The following WDPCP variants were observed in gnomAD, a reference collection of about 807,000 sequenced individuals.
The protein encoded by WDPCP is WD repeat-containing and planar cell polarity effector protein fritz homolog.
Under a neutral mutation model 93.1 loss-of-function variants are expected in WDPCP, and 71 were observed. That is an observed-to-expected ratio of 0.76 (90% confidence interval 0.63 to 0.93). WDPCP has a LOEUF of 0.93. Among genes scored for constraint, WDPCP ranks in the 40% least tolerant of loss-of-function variants. The pLI is 0.00. For missense variants in WDPCP, 844 were observed against 887.4 expected, an observed-to-expected ratio of 0.95 and a Z score of 0.62; for synonymous variants, 315 against 315.0, an observed-to-expected ratio of 1.00 and a Z score of 0.00.
chr2:63,183,463 T>C (rs1674395968), intron 14 of WDPCP, among the ~76,000 whole-genome samples: 1 of 152,168 alleles, frequency 6.6e-6, no homozygotes, highest in African/African-American at 2.4e-5. Flanking sequence ...TATTGATTTA[T>C]AGTTTTATTT....
At chr2:63,541,172 C>T (rs954261252) in intron 1 of WDPCP, among the ~76,000 whole-genome samples, 26 of 151,980 alleles carry the variant, frequency 1.7e-4, no homozygotes, top group Admixed American at 5.9e-4. Flanking sequence ...AGGTTTTTGC[C>T]GTGTTGGTCA....
chr2:63,743,666 G>A (rs1669756413), intron 2 of WDPCP, among the ~76,000 whole-genome samples: 1 of 152,058 alleles, frequency 6.6e-6, no homozygotes, highest in Admixed American at 6.6e-5. Flanking sequence ...AAGGCCATGT[G>A]CACAGTTGAG....
At chr2:63,406,709 G>A (rs1265038482) in intron 9 of WDPCP, among the ~76,000 whole-genome samples, 2 of 152,130 alleles carry the variant, frequency 1.3e-5, no homozygotes, top group Non-Finnish European at 1.5e-5. Context: ...ACAAAAAGCA[G>A]GTATGACCTA....
chr2:63,441,569 G>A lies in WDPCP; in HGVS notation c.385-1698C>T, dbSNP rs1334670738. The A allele has an allele frequency of 2.0e-5, 3 of 151,942 alleles. 1 individual carries two copies. The highest frequency in any genetic ancestry group is 2.9e-5 in the Non-Finnish European group (2 of 67,986). The allele number at this position is 151,942 out of a possible 1,614,324, so 9.4% of individuals were successfully genotyped here. ...TCTTTGTAGTGCCAGGAATACAGTA[G>A]GTGCTCAACAAATGTTTGGAGAAAG... On this transcript the variant is annotated intron_variant, in intron 6 of 17. Transcript: ENST00000272321.
At chr2:63,715,247 G>A (rs1435299104) in intron 2 of WDPCP, among the ~76,000 whole-genome samples, 2 of 152,204 alleles carry the variant, frequency 1.3e-5, no homozygotes, top group African/African-American at 4.8e-5. Context: ...AAATGCCTCT[G>A]AGTTTTTCAC....
At chr2:63,741,759 A>G (rs1198726849) in intron 2 of WDPCP, among the ~76,000 whole-genome samples, 2 of 152,120 alleles carry the variant, frequency 1.3e-5, no homozygotes, top group African/African-American at 4.8e-5. Context: ...ATAAAAGCAC[A>G]ACAAATAAAG....
intron 1 of WDPCP, among the ~76,000 whole-genome samples, chr2:63,824,561 A>AAAAAC (rs1553458222): frequency 3.3e-5 from 5 of 149,708 alleles, no homozygotes; most frequent in Admixed American, 6.7e-5. Context: ...AAAAAAAAAA[A>AAAAAC]AACAGGAAAA....
At chr2:63,675,758 A>G (rs964983502) in intron 2 of WDPCP, among the ~76,000 whole-genome samples, 8 of 152,196 alleles carry the variant, frequency 5.3e-5, no homozygotes, top group African/African-American at 1.9e-4. Context: ...TTCAGTTGCC[A>G]TGTTTTGTCT....
At chr2:63,583,286 A>G (rs1454604948) in intron 1 of WDPCP, among the ~76,000 whole-genome samples, 1 of 152,240 alleles carries the variant, frequency 6.6e-6, no homozygotes, top group Non-Finnish European at 1.5e-5. Flanking sequence ...GAATTGTAAA[A>G]AATTTCAATT....
chr2:63,210,029 G>C (rs1003848812), intron 14 of WDPCP, among the ~76,000 whole-genome samples: 2 of 152,000 alleles, frequency 1.3e-5, no homozygotes, highest in African/African-American at 4.8e-5. Flanking sequence ...CTAAATGTTT[G>C]AGTTTTATGT....
At chr2:63,696,177 G>A (rs570153034) in intron 2 of WDPCP, among the ~76,000 whole-genome samples, 1 of 152,228 alleles carries the variant, frequency 6.6e-6, no homozygotes, top group East Asian at 1.9e-4. Flanking sequence ...TATAAATTTT[G>A]GCTAGGAGGG....
intron 2 of WDPCP, among the ~76,000 whole-genome samples, chr2:63,797,530 ACT>A (rs1365615271): frequency 4.6e-5 from 7 of 150,620 alleles, no homozygotes; most frequent in Non-Finnish European, 1.0e-4. Flanking sequence ...CCATTCAGCC[ACT>A]CTCTGTCTTT....
At position 63,439,768 on chromosome 2, in the gene WDPCP, G is replaced by A. The variant is rs1697378894; in HGVS notation, c.488C>T (p.Thr163Ile). The A allele has an allele frequency of 6.2e-7, 1 of 1,612,974 alleles. No individual in the cohort carries two copies. Among genetic ancestry groups the A allele is most frequent in the Non-Finnish European group, 8.5e-7 (1 of 1,179,194 alleles). ...RSLVGKLISD[T>I]ISDALLTDSF... The stretch of plus-strand genomic sequence containing the variant: ...ATGGGGGTAATTACCATCACTGATG[G>A]TGTCTGAGATGAGCTTCCCCACCAG... Residue 163 changes from threonine (T) to isoleucine (I), a missense_variant, in exon 7 of 18, where the codon ACC (threonine) becomes ATC (isoleucine). Coordinates refer to ENST00000272321, the MANE Select transcript of WDPCP (RefSeq NM_015910.7).
chr2:63,686,700 A>G (rs1208367646), intron 2 of WDPCP, among the ~76,000 whole-genome samples: 3 of 152,202 alleles, frequency 2.0e-5, no homozygotes, highest in African/African-American at 7.2e-5. Flanking sequence ...CCAAAACAGA[A>G]TGGTACTCGC....
chr2:63,801,585 T>G (rs1168504895), intron 2 of WDPCP, among the ~76,000 whole-genome samples: 4 of 152,190 alleles, frequency 2.6e-5, no homozygotes, highest in Non-Finnish European at 4.4e-5. Context: ...AGAATGCCCT[T>G]TTTTCACTCC....
intron 2 of WDPCP, among the ~76,000 whole-genome samples, chr2:63,712,341 T>C (rs1339606911): frequency 6.6e-6 from 1 of 152,228 alleles, no homozygotes; most frequent in East Asian, 1.9e-4. Context: ...CCAATATTTT[T>C]TGAAAATATT....
At chr2:63,639,692 G>T (rs1288123690) in intron 3 of WDPCP, among the ~76,000 whole-genome samples, 1 of 152,148 alleles carries the variant, frequency 6.6e-6, no homozygotes, top group Non-Finnish European at 1.5e-5. Flanking sequence ...CAGGTGTCAA[G>T]AACATATAAA....
chr2:63,752,018 A>G (rs1669890168), intron 2 of WDPCP: 2 of 626,064 alleles, frequency 3.2e-6, no homozygotes, highest in Non-Finnish European at 6.0e-6. Context: ...CAACCTCCAC[A>G]ACCAACACCA....
At chr2:63,223,703 G>A (rs755064275) in intron 14 of WDPCP, among the ~76,000 whole-genome samples, 4 of 152,076 alleles carry the variant, frequency 2.6e-5, no homozygotes, top group East Asian at 1.9e-4. Flanking sequence ...ATAAGGAATC[G>A]CTTTGTGTGT....
Sources: allele counts gnomAD v4.1 joint callset (sites outside exome capture counted in the v4.1 genomes callset), GRCh38; gene constraint gnomAD v4.1.1; transcripts MANE v1.5; gene names NCBI Gene and HGNC (gene_info 2026-07-23, HGNC 2026-07-21).